The following COP1 variants were observed in gnomAD, a reference collection of about 807,000 sequenced individuals.
COP1 encodes E3 ubiquitin-protein ligase COP1.
A neutral mutation model predicts 101.3 loss-of-function variants in COP1; 24 were observed. That is an observed-to-expected ratio of 0.24 (90% CI 0.17 to 0.33). The LOEUF is 0.33. Ranked by LOEUF, COP1 falls within the 10% of genes least tolerant of loss-of-function variation. The pLI, the probability that COP1 is intolerant of heterozygous loss-of-function variation, is 1.00. For missense variants in COP1, 663 were observed against 906.2 expected, an observed-to-expected ratio of 0.73 and a Z score of 3.45; for synonymous variants, 347 against 341.9, an observed-to-expected ratio of 1.01 and a Z score of -0.17.
intron 11 of COP1, among the ~76,000 whole-genome samples, chr1:176,052,200 C>T (rs1331087706): frequency 6.6e-6 from 1 of 152,128 alleles, no homozygotes; most frequent in Non-Finnish European, 1.5e-5. Context: ...TGTGTTAAAG[C>T]TACCTACAGC....
chr1:175,959,951 T>C lies in COP1; in HGVS notation c.2134-12712A>G, dbSNP rs191243106. Among the ~76,000 whole-genome samples the C allele has an allele frequency of 6.0e-4, 92 of 152,290 alleles. No individual in the cohort carries two copies. In the East Asian group the frequency reaches 7.1e-3, roughly 12 times the overall value. ...TATCCTCCCTTTATCTTGTTTTGTG[T>C]TTCAGGTTTAACAAACAACCCTACT... On this transcript the variant is annotated intron_variant, in intron 18 of 19. Transcript: ENST00000367669.
intron 3 of COP1, among the ~76,000 whole-genome samples, chr1:176,170,587 T>C (rs75997117): frequency 6.6e-6 from 1 of 152,134 alleles, no homozygotes; most frequent in Non-Finnish European, 1.5e-5. Flanking sequence ...ATTCAGTAAA[T>C]CACGCTGAAA....
rs1459017048 is a variant in COP1 at position 176,058,401 on chromosome 1, CTT to C, written c.1278-12079_1278-12078del. Among the ~76,000 whole-genome samples, 21 of 152,286 alleles carry C rather than the reference CTT, an allele frequency of 1.4e-4. No homozygotes were observed. The East Asian group carries it at 3.7e-3, about 27-fold the overall frequency. ...TGTAGAAAGAAGTAGACATGGGAGACTTTTCATTTTGCTCTGTACTAAGAAAA... is the reference window on the plus strand; with the variant it reads ...TGTAGAAAGAAGTAGACATGGGAGACTTCATTTTGCTCTGTACTAAGAAAA... On this transcript the variant is annotated intron_variant, in intron 11 of 19. Transcript: ENST00000367669.
chr1:176,162,050 A>G (rs1694413900), intron 5 of COP1, among the ~76,000 whole-genome samples: 2 of 152,220 alleles, frequency 1.3e-5, no homozygotes, highest in African/African-American at 4.8e-5. Flanking sequence ...GTCTACAAGA[A>G]AAGAAAATCA....
chr1:176,133,742 A>G (rs1336172272), intron 8 of COP1: 1 of 376,268 alleles, frequency 2.7e-6, no homozygotes, highest in Non-Finnish European at 5.2e-6. Flanking sequence ...TATATACAAA[A>G]AAAATTTGCT....
chr1:176,030,656 A>C (rs1022977699), intron 14 of COP1, among the ~76,000 whole-genome samples: 3 of 152,226 alleles, frequency 2.0e-5, no homozygotes, highest in African/African-American at 7.2e-5. Context: ...AATTCAATAT[A>C]ACTGTCTGAG....
chr1:175,998,617 T>A (rs1024952364), intron 15 of COP1, among the ~76,000 whole-genome samples: 10 of 152,108 alleles, frequency 6.6e-5, no homozygotes, highest in African/African-American at 2.4e-4. Flanking sequence ...CTGCAAATTA[T>A]GAAATCTTTC....
At chr1:175,981,396 G>C (rs1339278107) in intron 18 of COP1, among the ~76,000 whole-genome samples, 1 of 151,964 alleles carries the variant, frequency 6.6e-6, no homozygotes, top group African/African-American at 2.4e-5. Context: ...GGGAAGCCAG[G>C]GAGGAAGAAA....
intron 3 of COP1, among the ~76,000 whole-genome samples, chr1:176,168,474 G>C (rs899502540): frequency 2.4e-5 from 3 of 122,730 alleles, no homozygotes; most frequent in East Asian, 5.0e-4. Context: ...GGGAGGAAGG[G>C]AGGAAGGCAG....
At chr1:176,161,555 A>G (rs1254063701) in intron 5 of COP1, among the ~76,000 whole-genome samples, 1 of 152,082 alleles carries the variant, frequency 6.6e-6, no homozygotes, top group Non-Finnish European at 1.5e-5. Flanking sequence ...CTATGACTGT[A>G]CCACTGCACT....
intron 3 of COP1, among the ~76,000 whole-genome samples, chr1:176,172,168 G>A (rs879852732): frequency 1.8e-4 from 27 of 152,210 alleles, no homozygotes; most frequent in Admixed American, 1.8e-3. Flanking sequence ...TCTCACCTCA[G>A]CCTCCCAAGA....
chr1:176,159,499 A>G (rs1412446459), intron 5 of COP1, among the ~76,000 whole-genome samples: 2 of 152,176 alleles, frequency 1.3e-5, no homozygotes, highest in East Asian at 3.8e-4. Flanking sequence ...ACATACCCTA[A>G]TGCGAGCACA....
chr1:176,007,138 G>A (rs1663466350), intron 15 of COP1, among the ~76,000 whole-genome samples: 1 of 152,024 alleles, frequency 6.6e-6, no homozygotes, highest in Admixed American at 6.6e-5. Flanking sequence ...GATCGCATCG[G>A]CTCCTGAGGC....
At chr1:176,058,610 A>T (rs1163592211) in intron 11 of COP1, among the ~76,000 whole-genome samples, 2 of 152,214 alleles carry the variant, frequency 1.3e-5, no homozygotes, top group Non-Finnish European at 2.9e-5. Flanking sequence ...ACCCAGGGAC[A>T]AAAACACTGC....
At chr1:176,049,065 G>A (rs569039974) in intron 11 of COP1, among the ~76,000 whole-genome samples, 11 of 151,288 alleles carry the variant, frequency 7.3e-5, no homozygotes, top group African/African-American at 4.9e-5. Context: ...CCAGCTACTC[G>A]GGAGGCTGAG....
intron 18 of COP1, among the ~76,000 whole-genome samples, chr1:175,966,112 G>A (rs1303206853): frequency 6.6e-6 from 1 of 152,064 alleles, no homozygotes; most frequent in African/African-American, 2.4e-5. Context: ...TTTCAGAGTT[G>A]ACTTGGTAAA....
In COP1 at chr1:176,162,855, T is replaced by C; in HGVS notation, c.762+14A>G. Reference sequence around the variant, plus strand: ...CATCATTTAAAATTTTTTTTAAGTTTAGCTACCACTTACTGCTTCCAGTTG... The same window carrying C: ...CATCATTTAAAATTTTTTTTAAGTTCAGCTACCACTTACTGCTTCCAGTTG... On this transcript the variant is annotated intron_variant, in intron 5 of 19. Transcript: ENST00000367669. The C allele has an allele frequency of 6.4e-7, 1 of 1,568,114 alleles. No individual in the cohort carries two copies.
chr1:176,092,021 G>A (rs1024903139), intron 9 of COP1, among the ~76,000 whole-genome samples: 3 of 151,960 alleles, frequency 2.0e-5, no homozygotes, highest in Non-Finnish European at 2.9e-5. Context: ...TATGAGAAAA[G>A]GTTCAATTTA....
chr1:176,004,213 CTT>C (rs1288667959), intron 15 of COP1, among the ~76,000 whole-genome samples: 67 of 149,528 alleles, frequency 4.5e-4, no homozygotes, highest in African/African-American at 1.6e-3. Context: ...TATCCTGAGA[CTT>C]TGCTGAAGTT....
Sources: allele counts gnomAD v4.1 joint callset (sites outside exome capture counted in the v4.1 genomes callset), GRCh38; gene constraint gnomAD v4.1.1; transcripts MANE v1.5; gene names NCBI Gene and HGNC (gene_info 2026-07-23, HGNC 2026-07-21).